CAMK1D: variants seen among roughly 807,000 people sequenced by gnomAD.
The protein encoded by CAMK1D is calcium/calmodulin-dependent protein kinase type 1D.
CAMK1D carries 9 observed loss-of-function variants against 47.7 expected under a neutral mutation model. The observed-to-expected ratio is 0.19, with a 90% CI of 0.11 to 0.33. The LOEUF is 0.33. CAMK1D is among the 10% of genes least tolerant of loss of function. The pLI, the probability that CAMK1D is intolerant of heterozygous loss-of-function variation, is 1.00. For missense variants in CAMK1D, 291 were observed against 488.7 expected (o/e 0.60, Z 3.81); for synonymous variants, 184 against 184.9 (o/e 0.99, Z 0.04).
intron 2 of CAMK1D, among the ~76,000 whole-genome samples, chr10:12,634,047 G>A (rs1234088323): frequency 2.6e-5 from 4 of 152,188 alleles, no homozygotes; most frequent in African/African-American, 9.7e-5. Context: ...CTCTCTCAGC[G>A]GCTCCTGGGG....
intron 1 of CAMK1D, among the ~76,000 whole-genome samples, chr10:12,540,920 A>AG (rs1029130571): frequency 1.9e-5 from 2 of 102,800 alleles, no homozygotes; most frequent in African/African-American, 6.2e-5. Flanking sequence ...CCTGAGTTAT[A>AG]GGTTTTTTTT....
chr10:12,652,947 C>T (rs1332266727), intron 2 of CAMK1D, among the ~76,000 whole-genome samples: 1 of 152,164 alleles, frequency 6.6e-6, no homozygotes, highest in East Asian at 1.9e-4. Flanking sequence ...TGTCTTAGTT[C>T]GTTTTCTATA....
intron 2 of CAMK1D, among the ~76,000 whole-genome samples, chr10:12,619,446 C>A (rs906047856): frequency 6.6e-6 from 1 of 151,954 alleles, no homozygotes; most frequent in African/African-American, 2.4e-5. Flanking sequence ...CACCACCGTG[C>A]CTGGCTAATT....
chr10:12,407,612 C>T (rs1038006470), intron 1 of CAMK1D, among the ~76,000 whole-genome samples: 7 of 152,204 alleles, frequency 4.6e-5, no homozygotes, highest in Admixed American at 4.6e-4. Flanking sequence ...TCCTGCAATA[C>T]AGTCTTCATC....
chr10:12,526,806 T>C (rs1835636086), intron 1 of CAMK1D, among the ~76,000 whole-genome samples: 1 of 150,068 alleles, frequency 6.7e-6, no homozygotes, highest in South Asian at 2.1e-4. Flanking sequence ...TAGTCCCAGC[T>C]ACTTGGCAGG....
chr10:12,429,346 T>C (rs911834378), intron 1 of CAMK1D, among the ~76,000 whole-genome samples: 1 of 147,658 alleles, frequency 6.8e-6, no homozygotes, highest in Non-Finnish European at 1.5e-5. Context: ...CTCTCTCTCT[T>C]TTTTTCTTCC....
At chr10:12,738,141 G>A (rs1463564178) in intron 3 of CAMK1D, among the ~76,000 whole-genome samples, 1 of 152,108 alleles carries the variant, frequency 6.6e-6, no homozygotes, top group Admixed American at 6.5e-5. Context: ...GACAATGTGT[G>A]GAAAATATAA....
In CAMK1D at chr10:12,693,450, C is replaced by CA. The variant is rs1008763112; in HGVS notation, c.299+26646dup. Among the ~76,000 whole-genome samples the CA allele has an allele frequency of 2.2e-4, 34 of 151,874 alleles. 1 individual carries two copies. Among genetic ancestry groups the CA allele is most frequent in the Non-Finnish European group, 3.8e-4 (26 of 67,948 alleles). ...GCAATGTAGTGAAACCCCACCTCTA[C>CA]AAAAAATACCAAAAAACAAAAACAA... is the stretch of plus-strand genomic sequence containing the variant. On this transcript the variant is annotated intron_variant, in intron 3 of 10. Coordinates refer to ENST00000619168, the MANE Select transcript of CAMK1D (RefSeq NM_153498.4).
chr10:12,787,546 C>T lies in CAMK1D; in HGVS notation c.566-3612C>T, dbSNP rs536869422. Reference sequence around the variant, plus strand: ...CTGCGGTGGCTGTGGCCTTGTATTCCTGCTGTCTTCCTTGGCTAGGGCATC... The same window carrying T: ...CTGCGGTGGCTGTGGCCTTGTATTCTTGCTGTCTTCCTTGGCTAGGGCATC... On this transcript the variant is annotated intron_variant, in intron 5 of 10. Transcript: ENST00000619168. Among the ~76,000 whole-genome samples, 16 of 152,314 alleles carry T rather than the reference C, an allele frequency of 1.1e-4. No individual in the cohort carries two copies. In the East Asian group the frequency reaches 2.3e-3, roughly 22 times the overall value.
intron 2 of CAMK1D, among the ~76,000 whole-genome samples, chr10:12,647,443 C>G (rs1169734674): frequency 1.3e-5 from 2 of 152,192 alleles, no homozygotes; most frequent in African/African-American, 4.8e-5. Flanking sequence ...GCCACCTCAC[C>G]CAGCCCTCCG....
intron 3 of CAMK1D, among the ~76,000 whole-genome samples, chr10:12,708,481 A>G (rs1010773300): frequency 2.0e-5 from 3 of 152,192 alleles, no homozygotes; most frequent in Non-Finnish European, 4.4e-5. Flanking sequence ...TCAATATAGA[A>G]TAATAAAACT....
chr10:12,528,163 A>G (rs918725188), intron 1 of CAMK1D, among the ~76,000 whole-genome samples: 24 of 152,228 alleles, frequency 1.6e-4, no homozygotes, highest in African/African-American at 4.8e-4. Context: ...TAATTTGCCA[A>G]GGTCACATAG....
chr10:12,828,688 C>T, intron 10 of CAMK1D, 81 bp from the exon 11 acceptor site: 1 of 1,129,976 alleles, frequency 8.8e-7, no homozygotes. Context: ...ATAAACCCAG[C>T]CCCTCTGACA....
At chr10:12,498,652 GA>G in intron 1 of CAMK1D, among the ~76,000 whole-genome samples, 1 of 152,304 alleles carries the variant, frequency 6.6e-6, no homozygotes, top group East Asian at 1.9e-4. Flanking sequence ...GAGTGGAGAT[GA>G]AACTGAAAAG....
At chr10:12,456,877 T>C (rs1833264312) in intron 1 of CAMK1D, among the ~76,000 whole-genome samples, 1 of 151,932 alleles carries the variant, frequency 6.6e-6, no homozygotes, top group Non-Finnish European at 1.5e-5. Flanking sequence ...TACGGATACA[T>C]TTACCCTTTG....
At chr10:12,506,276 C>T (rs114569544) in intron 1 of CAMK1D, among the ~76,000 whole-genome samples, 2,728 of 152,114 alleles carry the variant, frequency 0.018, 84 homozygotes, top group African/African-American at 0.062. Flanking sequence ...AAAAACTAGC[C>T]GAGTGGGGTG....
intron 3 of CAMK1D, among the ~76,000 whole-genome samples, chr10:12,714,172 A>G (rs1303776608): frequency 6.6e-6 from 1 of 152,084 alleles, no homozygotes; most frequent in Non-Finnish European, 1.5e-5. Flanking sequence ...GGCTTCTCTA[A>G]GTCTCTTATC....
chr10:12,431,262 C>T (rs1005850665), intron 1 of CAMK1D, among the ~76,000 whole-genome samples: 15 of 152,220 alleles, frequency 9.9e-5, no homozygotes, highest in Admixed American at 4.6e-4. Flanking sequence ...CATCTCACCT[C>T]CACTGCTGCC....
intron 3 of CAMK1D, among the ~76,000 whole-genome samples, chr10:12,702,903 G>A (rs1224197818): frequency 6.6e-6 from 1 of 152,210 alleles, no homozygotes; most frequent in African/African-American, 2.4e-5. Flanking sequence ...TGAGATTATT[G>A]CCAGAGAGCA....
Sources: allele counts gnomAD v4.1 joint callset (sites outside exome capture counted in the v4.1 genomes callset), GRCh38; gene constraint gnomAD v4.1.1; transcripts MANE v1.5; gene names NCBI Gene and HGNC (gene_info 2026-07-23, HGNC 2026-07-21).